Variants in SGCZ observed in about 807,000 individuals in gnomAD.
SGCZ encodes sarcoglycan zeta, also known as zeta-sarcoglycan.
Under a neutral mutation model 41.3 loss-of-function variants are expected in SGCZ, and 40 were observed. The ratio of observed to expected loss-of-function variants is 0.97; its 90% confidence interval spans 0.75 to 1.26. SGCZ has a LOEUF of 1.26. Among genes scored for constraint, SGCZ ranks in the 50% most tolerant of loss-of-function variants. The probability of loss-of-function intolerance (pLI) is 0.00; values close to 1 mark genes in which losing one functional copy is unlikely to be tolerated. For synonymous variants in SGCZ, 206 were observed against 137.5 expected (o/e 1.50, Z -3.49); for missense variants, 552 against 369.8 (o/e 1.49, Z -4.04).
intron 1 of SGCZ, among the ~76,000 whole-genome samples, chr8:14,688,312 G>T (rs968561510): frequency 6.6e-6 from 1 of 152,116 alleles, no homozygotes; most frequent in Non-Finnish European, 1.5e-5. Flanking sequence ...TTCTTCTAGG[G>T]TTTTTATGGT....
At chr8:14,763,186 C>A (rs1397122312) in intron 1 of SGCZ, among the ~76,000 whole-genome samples, 1 of 152,112 alleles carries the variant, frequency 6.6e-6, no homozygotes, top group African/African-American at 2.4e-5. Flanking sequence ...AGAGACTGGC[C>A]TGTCAAGTTC....
chr8:14,951,828 A>G (rs1236219407), intron 1 of SGCZ, among the ~76,000 whole-genome samples: 1 of 152,108 alleles, frequency 6.6e-6, no homozygotes, highest in Non-Finnish European at 1.5e-5. Flanking sequence ...AGTCATGTAT[A>G]GCAGAAGAAA....
chr8:14,717,770 T>C (rs568915042), intron 1 of SGCZ, among the ~76,000 whole-genome samples: 3 of 152,250 alleles, frequency 2.0e-5, no homozygotes, highest in African/African-American at 7.2e-5. Flanking sequence ...ACAATTCTTC[T>C]ACAACTGTGT....
At chr8:14,334,715 G>C (rs1373306413) in intron 2 of SGCZ, among the ~76,000 whole-genome samples, 1 of 152,000 alleles carries the variant, frequency 6.6e-6, no homozygotes, top group African/African-American at 2.4e-5. Flanking sequence ...AGTTTGGAGT[G>C]CTTATAAAGT....
At chr8:15,178,931 G>T (rs566742369) in intron 1 of SGCZ, among the ~76,000 whole-genome samples, 108 of 152,314 alleles carry the variant, frequency 7.1e-4, no homozygotes, top group African/African-American at 2.5e-3. Flanking sequence ...TCTAAACATA[G>T]TGAAGTCAAC....
intron 1 of SGCZ, among the ~76,000 whole-genome samples, chr8:14,641,427 A>T (rs1807022635): frequency 6.6e-6 from 1 of 151,710 alleles, no homozygotes; most frequent in African/African-American, 2.4e-5. Context: ...AGGATGTAGC[A>T]AATAGTTTGA....
chr8:15,167,205 T>A (rs550910365), intron 1 of SGCZ, among the ~76,000 whole-genome samples: 2 of 152,316 alleles, frequency 1.3e-5, no homozygotes, highest in Admixed American at 6.5e-5. Context: ...GCAATAAGAA[T>A]CCATTTTTCT....
Position 14,886,030 on chromosome 8 carries a change from T to TATATATAC in SGCZ, c.40-331105_40-331104insGTATATAT, listed in dbSNP as rs1554517469. On this transcript the variant is annotated intron_variant, in intron 1 of 7. Coordinates refer to ENST00000382080, the MANE Select transcript of SGCZ (RefSeq NM_139167.4). The stretch of plus-strand genomic sequence containing the variant: ...ATATATATATATATATATATATATA[T>TATATATAC]ATATAAAATTGTATACTTAGCTTTT... Among the ~76,000 whole-genome samples, 89 of 98,920 alleles carry TATATATAC rather than the reference T, an allele frequency of 9.0e-4. 3 individuals are homozygous for TATATATAC. The highest frequency in any genetic ancestry group is 1.5e-3 in the Admixed American group (14 of 9,634). The allele number at this position is 98,920 out of a possible 152,430, so 64.9% of individuals were successfully genotyped here.
chr8:14,857,048 G>A (rs1803564931), intron 1 of SGCZ, among the ~76,000 whole-genome samples: 1 of 152,112 alleles, frequency 6.6e-6, no homozygotes, highest in Non-Finnish European at 1.5e-5. Flanking sequence ...TCTCATGAAT[G>A]GTTTAGCACC....
intron 1 of SGCZ, among the ~76,000 whole-genome samples, chr8:15,035,700 T>A (rs760504269): frequency 3.9e-5 from 6 of 151,976 alleles, no homozygotes; most frequent in Non-Finnish European, 8.8e-5. Context: ...TACGCTTCAG[T>A]AAAATAAAAT....
In SGCZ at chr8:14,237,611, T is replaced by C; in HGVS notation, c.405A>G (p.Leu135=). The part of the protein sequence containing the change: ...TVNARNHMGQ[L]TGQLTIGADA... ...ACTCACCTATGGTCAGCTGTCCGGTTAACTGCCCCATGTGATTTCTTGCAT... is the reference window on the plus strand; with the variant it reads ...ACTCACCTATGGTCAGCTGTCCGGTCAACTGCCCCATGTGATTTCTTGCAT... Residue 135 remains leucine (L), a synonymous_variant, in exon 4 of 8, where the codon TTA becomes TTG. Transcript: ENST00000382080. 6.2e-7 allele frequency: 1 copy of C among 1,613,990 alleles called. No homozygotes were observed. The highest frequency in any genetic ancestry group is 8.5e-7 in the Non-Finnish European group (1 of 1,179,872).
At chr8:14,615,012 GTA>G (rs145037808) in intron 1 of SGCZ, among the ~76,000 whole-genome samples, 23,038 of 130,842 alleles carry the variant, frequency 0.18, 2,058 homozygotes, top group Non-Finnish European at 0.22. Flanking sequence ...GTGTGTGTGT[GTA>G]TATATATATA....
chr8:14,747,924 C>T (rs540977066), intron 1 of SGCZ, among the ~76,000 whole-genome samples: 1 of 148,300 alleles, frequency 6.7e-6, no homozygotes, highest in African/African-American at 2.5e-5. Flanking sequence ...CAGAGTTTCG[C>T]CATGTTGGCC....
At chr8:14,523,587 T>C (rs1802853239) in intron 2 of SGCZ, among the ~76,000 whole-genome samples, 2 of 152,110 alleles carry the variant, frequency 1.3e-5, no homozygotes, top group African/African-American at 4.8e-5. Flanking sequence ...TTATTGCTTT[T>C]ATAAATTATT....
At chr8:15,197,386 C>T (rs866459543) in intron 1 of SGCZ, among the ~76,000 whole-genome samples, 16 of 152,142 alleles carry the variant, frequency 1.1e-4, no homozygotes, top group African/African-American at 3.6e-4. Flanking sequence ...AACTAAGTTT[C>T]ATTTCAGAAT....
chr8:14,318,482 A>G (rs1397735634), intron 3 of SGCZ, among the ~76,000 whole-genome samples: 1 of 151,936 alleles, frequency 6.6e-6, no homozygotes, highest in Non-Finnish European at 1.5e-5. Flanking sequence ...AACCTAACCC[A>G]TATCTCCAGA....
In SGCZ at chr8:14,327,718, G is replaced by T. The variant is rs1280915353; in HGVS notation, c.235-3514C>A. On this transcript the variant is annotated intron_variant, in intron 2 of 7. Transcript: ENST00000382080. ...ATTTTCTACTTAATATATGATTTCA[G>T]ATATACCATCACATTTCATTTAAAT... Among the ~76,000 whole-genome samples, 5 of 152,268 alleles carry T rather than the reference G, an allele frequency of 3.3e-5. No individual in the cohort carries two copies. In the South Asian group the frequency reaches 6.2e-4, roughly 19 times the overall value.
chr8:15,087,534 C>G (rs1488002630), intron 1 of SGCZ, among the ~76,000 whole-genome samples: 6 of 152,088 alleles, frequency 3.9e-5, no homozygotes, highest in Admixed American at 1.3e-4. Context: ...AAAAGCTCAA[C>G]TGATTTCAAA....
At chr8:15,036,997 G>A (rs1166603670) in intron 1 of SGCZ, among the ~76,000 whole-genome samples, 2 of 152,086 alleles carry the variant, frequency 1.3e-5, no homozygotes, top group African/African-American at 4.8e-5. Flanking sequence ...GAAACTATAA[G>A]ATAATCTCAA....
Sources: gnomAD v4.1 joint callset for allele counts (sites outside exome capture counted in the v4.1 genomes callset) on GRCh38, gnomAD v4.1.1 for gene constraint, MANE v1.5 for transcripts, NCBI Gene and HGNC (gene_info 2026-07-23, HGNC 2026-07-21) for gene names.